The following INSC variants were observed in gnomAD, a reference collection of about 807,000 sequenced individuals.
The protein encoded by INSC is protein inscuteable homolog.
Under a neutral mutation model 58.6 loss-of-function variants are expected in INSC, and 67 were observed. The observed-to-expected ratio is 1.14, with a 90% CI of 0.94 to 1.40. The LOEUF (loss-of-function observed/expected upper bound fraction) is 1.40. Ranked by LOEUF, INSC falls within the 40% of genes most tolerant of loss-of-function variation. The pLI is 0.00. For missense variants in INSC, 714 were observed against 692.0 expected (o/e 1.03, Z -0.36); for synonymous variants, 262 against 276.1 (o/e 0.95, Z 0.51).
At chr11:15,229,984 TA>T (rs1294940439) in intron 9 of INSC, among the ~76,000 whole-genome samples, 891 of 24,036 alleles carry the variant, frequency 0.037, 15 homozygotes, top group Non-Finnish European at 0.05. Flanking sequence ...ATATATTATA[TA>T]TATATATATA....
At position 15,175,880 on chromosome 11, in the gene INSC, G is replaced by T. The variant is rs1012276016; in HGVS notation, c.196G>T (p.Gly66Cys). The T allele has an allele frequency of 1.2e-6, 2 of 1,614,088 alleles. No individual in the cohort carries two copies. The highest frequency in any genetic ancestry group is 8.5e-7 in the Non-Finnish European group (1 of 1,179,908). Residue 66 changes from glycine (G) to cysteine (C), a missense_variant, in exon 3 of 13, where the codon GGT becomes TGT. Physicochemically the swap from Gly to Cys is radical, Grantham distance 159. Transcript: ENST00000379556. ...TGCACAGGGTGACCTCATCCTGGCA[G>T]GTGGCCCTGGCCCTGGAGACCCCCT... ...EDAQGDLILA[G>C]GPGPGDPLQL...
chr11:15,180,980 T>C lies in INSC; in HGVS notation c.579+2533T>C, dbSNP rs74930388. On this transcript the variant is annotated intron_variant, in intron 5 of 12. Transcript: ENST00000379556. ...TTCAGTGTTGTAAGCATGTGTTTCT[T>C]AAACTAGTGACTCAAATATTGTTCC... Among the ~76,000 whole-genome samples the C allele has an allele frequency of 9.4e-3, 1,431 of 152,342 alleles. 16 individuals carry two copies. The highest frequency in any genetic ancestry group is 0.033 in the African/African-American group (1,366 of 41,580).
intron 1 of INSC, 41 bp from the exon 2 acceptor site, chr11:15,149,089 C>T: frequency 1.3e-6 from 2 of 1,525,590 alleles, no homozygotes; most frequent in Non-Finnish European, 1.8e-6. Context: ...TGTGCCTCCT[C>T]TTTTAGGATC....
intron 1 of INSC, among the ~76,000 whole-genome samples, chr11:15,148,003 C>CAG (rs1207767029): frequency 6.6e-6 from 1 of 151,970 alleles, no homozygotes; most frequent in Admixed American, 6.6e-5. Context: ...GGGGAGTTGG[C>CAG]AGAGAGAGAG....
chr11:15,164,552 T>C (rs1849129446), intron 2 of INSC, among the ~76,000 whole-genome samples: 1 of 152,210 alleles, frequency 6.6e-6, no homozygotes, highest in African/African-American at 2.4e-5. Flanking sequence ...TAAAACACCC[T>C]ATACTCAGCT....
At chr11:15,265,653 A>G in the INSC span, among the ~76,000 whole-genome samples, 2 of 151,706 alleles carry the variant, frequency 1.3e-5, no homozygotes, top group East Asian at 1.9e-4. Flanking sequence ...TTGGGCTTTT[A>G]TTGTTTATAT....
chr11:15,205,227 T>TA (rs1850750612), intron 7 of INSC, among the ~76,000 whole-genome samples: 1 of 152,074 alleles, frequency 6.6e-6, no homozygotes, highest in Non-Finnish European at 1.5e-5. Context: ...TAAAATAAAA[T>TA]AAAAAATAAG....
At chr11:15,226,945 T>C (rs1193260634) in intron 9 of INSC, among the ~76,000 whole-genome samples, 3 of 152,250 alleles carry the variant, frequency 2.0e-5, no homozygotes, top group Non-Finnish European at 2.9e-5. Context: ...TTGTCAGTTA[T>C]TTCTTATCCT....
intron 7 of INSC, among the ~76,000 whole-genome samples, chr11:15,210,294 T>C (rs761939648): frequency 1.0e-4 from 15 of 145,798 alleles, no homozygotes; most frequent in Non-Finnish European, 1.9e-4. Flanking sequence ...TGGTATCCTG[T>C]GGCATATGAA....
intron 7 of INSC, among the ~76,000 whole-genome samples, chr11:15,208,414 C>T (rs1589971105): frequency 6.6e-6 from 1 of 152,212 alleles, no homozygotes; most frequent in African/African-American, 2.4e-5. Flanking sequence ...TCACTCTTCC[C>T]AGCCTTGCAA....
upstream of INSC, chr11:15,112,414 T>G: frequency 7.0e-7 from 1 of 1,425,538 alleles, no homozygotes; most frequent in Non-Finnish European, 9.6e-7. Flanking sequence ...GGAAAGAAGC[T>G]GTTCACAGGG....
chr11:15,231,666 G>A (rs1056723198), intron 9 of INSC, among the ~76,000 whole-genome samples: 1 of 152,260 alleles, frequency 6.6e-6, no homozygotes, highest in African/African-American at 2.4e-5. Flanking sequence ...AGTCATACAA[G>A]CTGTTGGCCT....
At chr11:15,190,250 A>G (rs1201679414) in intron 5 of INSC, among the ~76,000 whole-genome samples, 2 of 152,220 alleles carry the variant, frequency 1.3e-5, no homozygotes, top group Non-Finnish European at 2.9e-5. Flanking sequence ...CCCATCACTC[A>G]GCTGGAGTTC....
intron 5 of INSC, chr11:15,184,335 T>C (rs1797842776): frequency 6.2e-6 from 1 of 160,990 alleles, no homozygotes; most frequent in Admixed American, 6.5e-5. Flanking sequence ...TAGAGAATGA[T>C]CTTCACAATT....
At chr11:15,266,751 G>T in the INSC span, among the ~76,000 whole-genome samples, 2 of 151,944 alleles carry the variant, frequency 1.3e-5, no homozygotes, top group Non-Finnish European at 2.9e-5. Context: ...CTGAAGAAAG[G>T]TATATTTTTC....
chr11:15,141,664 C>T (rs1469865302), intron 1 of INSC, among the ~76,000 whole-genome samples: 1 of 152,114 alleles, frequency 6.6e-6, no homozygotes, highest in African/African-American at 2.4e-5. Context: ...CTGATTGCTG[C>T]AGGATGCCAG....
At chr11:15,125,756 C>T (rs143090555) in intron 1 of INSC, among the ~76,000 whole-genome samples, 101 of 152,294 alleles carry the variant, frequency 6.6e-4, no homozygotes, top group African/African-American at 2.4e-3. Flanking sequence ...GGGACTTTGG[C>T]CCTCTCAGGG....
rs777393461 is a variant in INSC, at chr11:15,225,813, T to C, written c.1155T>C (p.Pro385=). 1.2e-6 allele frequency: 2 copies of C among 1,612,840 alleles called. No individual in the cohort carries two copies. The highest frequency in any genetic ancestry group is 1.7e-6 in the Non-Finnish European group (2 of 1,179,448). ...ACSDKQRVDT[P]YTRDQIVTIL... ...GTGACAAGCAGAGAGTGGACACGCC[T>C]TACACTCGGGACCAGGTAAGACGCC... The change falls in exon 9 of 13, where the codon CCT becomes CCC. Residue 385 remains proline, a synonymous_variant. Transcript: ENST00000379556.
At chr11:15,177,238 C>T in intron 4 of INSC, 75 bp downstream of exon 4, 2 of 1,162,636 alleles carry the variant, frequency 1.7e-6, no homozygotes, top group South Asian at 1.2e-5. Context: ...TATCTTCTCC[C>T]AGAGGGAGAA....
Sources: allele counts gnomAD v4.1 joint callset (sites outside exome capture counted in the v4.1 genomes callset), GRCh38; gene constraint gnomAD v4.1.1; transcripts MANE v1.5; gene names NCBI Gene and HGNC (gene_info 2026-07-23, HGNC 2026-07-21).